NRXN1: variants seen among roughly 807,000 people sequenced by gnomAD.
NRXN1 encodes neurexin-1.
NRXN1 carries 39 observed loss-of-function variants against 150.9 expected under a neutral mutation model. The observed-to-expected ratio is 0.26, with a 90% CI of 0.20 to 0.34. The LOEUF (loss-of-function observed/expected upper bound fraction) is 0.34, where lower values mean the gene tolerates loss of function less well. Ranked by LOEUF, NRXN1 falls within the 10% of genes least tolerant of loss-of-function variation. NRXN1 has a pLI of 1.00. For synonymous variants in NRXN1, 924 were observed against 757.0 expected (o/e 1.22, Z -3.62); for missense variants, 1,815 against 1,949.9 (o/e 0.93, Z 1.30).
chr2:50,895,201 A>C (rs1431643718), intron 5 of NRXN1, among the ~76,000 whole-genome samples: 6 of 152,184 alleles, frequency 3.9e-5, no homozygotes, highest in Admixed American at 6.5e-5. Flanking sequence ...CCTGAAAGAG[A>C]ACATACCCTA....
chr2:50,005,060 A>C (rs1196124484), intron 21 of NRXN1, among the ~76,000 whole-genome samples: 2 of 152,124 alleles, frequency 1.3e-5, no homozygotes, highest in Non-Finnish European at 2.9e-5. Flanking sequence ...CCAAAATAAT[A>C]ACAAATATTC....
At chr2:50,469,269 G>A (rs937677861) in intron 16 of NRXN1, among the ~76,000 whole-genome samples, 19 of 151,386 alleles carry the variant, frequency 1.3e-4, no homozygotes, top group Non-Finnish European at 2.2e-4. Flanking sequence ...AGACTTCGAC[G>A]GGTTAAAATC....
chr2:50,553,132 T>C, intron 8 of NRXN1, 107 bp from the exon 9 acceptor site: 1 of 790,374 alleles, frequency 1.3e-6, no homozygotes, highest in Non-Finnish European at 2.0e-6. Flanking sequence ...GCACACGATA[T>C]TTAGTTAATT....
intron 18 of NRXN1, among the ~76,000 whole-genome samples, chr2:50,152,554 T>C (rs1420486525): frequency 4.0e-5 from 6 of 151,814 alleles, no homozygotes; most frequent in Non-Finnish European, 7.4e-5. Context: ...TAATTTCTCC[T>C]TCACTTTCAA....
chr2:50,661,422 A>G (rs993014200), intron 5 of NRXN1, among the ~76,000 whole-genome samples: 3 of 152,068 alleles, frequency 2.0e-5, no homozygotes, highest in African/African-American at 7.2e-5. Flanking sequence ...ATTTCTCTTT[A>G]CTTTTTCAGA....
intron 17 of NRXN1, among the ~76,000 whole-genome samples, chr2:50,415,170 G>T (rs1007145946): frequency 7.2e-5 from 11 of 152,028 alleles, no homozygotes; most frequent in Admixed American, 4.6e-4. Context: ...GAAAAAAGAA[G>T]ATAATCATTA....
chr2:50,294,313 T>C (rs1394318243), intron 17 of NRXN1, among the ~76,000 whole-genome samples: 1 of 152,216 alleles, frequency 6.6e-6, no homozygotes, highest in Non-Finnish European at 1.5e-5. Flanking sequence ...AATTGCTCAA[T>C]GTTTCTGCTA....
chr2:50,916,977 C>T (rs1685298333), intron 5 of NRXN1: 1 of 151,596 alleles, frequency 6.6e-6, no homozygotes, highest in Admixed American at 6.6e-5. Flanking sequence ...AGTAAACAAA[C>T]ATTGAATTCT....
At chr2:50,993,173 T>C (rs946806342) in intron 2 of NRXN1, among the ~76,000 whole-genome samples, 2 of 151,958 alleles carry the variant, frequency 1.3e-5, no homozygotes, top group African/African-American at 4.8e-5. Flanking sequence ...GAGAAAACAA[T>C]TATATATTGT....
At chr2:50,440,461 C>A (rs1244438949) in intron 17 of NRXN1, among the ~76,000 whole-genome samples, 2 of 151,894 alleles carry the variant, frequency 1.3e-5, no homozygotes, top group Non-Finnish European at 2.9e-5. Flanking sequence ...GATTGTATCT[C>A]TGCCCTTATG....
intron 17 of NRXN1, among the ~76,000 whole-genome samples, chr2:50,397,237 A>C (rs927392655): frequency 1.3e-5 from 2 of 152,106 alleles, no homozygotes; most frequent in Non-Finnish European, 2.9e-5. Flanking sequence ...AAACTTAGCC[A>C]GAGAGCTATT....
chr2:49,984,390 G>C (rs891830104), intron 21 of NRXN1, among the ~76,000 whole-genome samples: 1 of 152,086 alleles, frequency 6.6e-6, no homozygotes, highest in East Asian at 1.9e-4. Flanking sequence ...AATGAGATCT[G>C]ACGTCGTATA....
In NRXN1 at chr2:50,506,741, G is replaced by T; in HGVS notation, c.2375-124C>A. The T allele has an allele frequency of 3.1e-6, 3 of 965,940 alleles. No homozygotes were observed. The South Asian group carries it at 5.9e-5, about 19-fold the overall frequency. The allele number at this position is 965,940 out of a possible 1,614,324, so 59.8% of individuals were successfully genotyped here. On this transcript the variant is annotated intron_variant, in intron 12 of 22. Transcript: ENST00000401669. ...GGAGAGAGAGGAGAGAAAGAAGAAA[G>T]GAAGAAAGAGAGAGAGGAGGGAGAG...
chr2:50,408,224 T>C (rs1426252435), intron 17 of NRXN1, among the ~76,000 whole-genome samples: 2 of 152,160 alleles, frequency 1.3e-5, no homozygotes, highest in African/African-American at 2.4e-5. Context: ...AGAATGCAAA[T>C]CTGAGTCTAC....
intron 17 of NRXN1, among the ~76,000 whole-genome samples, chr2:50,398,491 A>G (rs78251911): frequency 6.6e-6 from 1 of 152,090 alleles, no homozygotes. Context: ...GAGAAAAAAA[A>G]CAGTATTGTG....
At chr2:50,253,418 G>A (rs941363914) in intron 17 of NRXN1, among the ~76,000 whole-genome samples, 3 of 152,028 alleles carry the variant, frequency 2.0e-5, no homozygotes, top group Admixed American at 6.6e-5. Flanking sequence ...TCTCTTGCTC[G>A]TTTGCACTGA....
chr2:50,245,757 A>C (rs2152891821), intron 17 of NRXN1, among the ~76,000 whole-genome samples: 1 of 151,988 alleles, frequency 6.6e-6, no homozygotes. Context: ...CAGTTTAAAA[A>C]AAAAAATGAC....
At chr2:50,479,953 T>C (rs571193153) in intron 15 of NRXN1, among the ~76,000 whole-genome samples, 2 of 152,038 alleles carry the variant, frequency 1.3e-5, no homozygotes, top group South Asian at 4.2e-4. Context: ...TCTGTATTTT[T>C]AGTAGAGATT....
chr2:50,239,662 G>GTATATATATATATATATATA (rs59505952), intron 17 of NRXN1, among the ~76,000 whole-genome samples: 1 of 47,270 alleles, frequency 2.1e-5, no homozygotes, highest in Non-Finnish European at 4.4e-5. Context: ...ACCTATTCCA[G>GTATATATATATATATATATA]TATATATATA....
Sources: gnomAD v4.1 joint callset for allele counts (sites outside exome capture counted in the v4.1 genomes callset) on GRCh38, gnomAD v4.1.1 for gene constraint, MANE v1.5 for transcripts, NCBI Gene and HGNC (gene_info 2026-07-23, HGNC 2026-07-21) for gene names.